Variants in COL24A1 observed in about 807,000 individuals in gnomAD.
COL24A1 encodes the protein collagen alpha-1(XXIV) chain.
In COL24A1, 224 loss-of-function variants were observed where a neutral mutation model predicts 253.9. That is an observed-to-expected ratio of 0.88 (90% confidence interval 0.79 to 0.99). COL24A1 has a LOEUF of 0.99. Among genes scored for constraint, COL24A1 ranks in the 50% least tolerant of loss-of-function variants. COL24A1 has a pLI of 0.00. For synonymous variants in COL24A1, 685 were observed against 673.7 expected (o/e 1.02, Z -0.26); for missense variants, 2,131 against 2,068.5 (o/e 1.03, Z -0.59).
chr1:86,106,027 C>T (rs1704948832), intron 5 of COL24A1, among the ~76,000 whole-genome samples: 1 of 152,168 alleles, frequency 6.6e-6, no homozygotes, highest in Non-Finnish European at 1.5e-5. Context: ...GCAGCTGTTC[C>T]ACCTGGCTGT....
At chr1:85,991,964 GGTTT>G (rs1224556899) in intron 19 of COL24A1, among the ~76,000 whole-genome samples, 1 of 150,664 alleles carries the variant, frequency 6.6e-6, no homozygotes, top group Non-Finnish European at 1.5e-5. Flanking sequence ...ACAATGTGCA[GGTTT>G]GTTACATATG....
At chr1:85,923,130 T>A (rs921251761) in intron 24 of COL24A1, among the ~76,000 whole-genome samples, 1 of 152,224 alleles carries the variant, frequency 6.6e-6, no homozygotes, top group Non-Finnish European at 1.5e-5. Flanking sequence ...CTATCCTAAA[T>A]ATATATGCAA....
At chr1:86,114,893 C>T (rs1395236049) in intron 4 of COL24A1, among the ~76,000 whole-genome samples, 2 of 152,126 alleles carry the variant, frequency 1.3e-5, no homozygotes, top group East Asian at 3.9e-4. Flanking sequence ...ATCTTTAATG[C>T]AGCTTTTTTC....
At chr1:86,135,959 G>T (rs1444987716) in intron 2 of COL24A1, among the ~76,000 whole-genome samples, 1 of 152,048 alleles carries the variant, frequency 6.6e-6, no homozygotes, top group East Asian at 1.9e-4. Context: ...GATGGGCTGT[G>T]ACTTCCAAGT....
At chr1:86,066,404 AT>A (rs1009402545) in intron 7 of COL24A1, among the ~76,000 whole-genome samples, 26 of 146,008 alleles carry the variant, frequency 1.8e-4, no homozygotes, top group South Asian at 6.6e-4. Flanking sequence ...ATGCCCGGCT[AT>A]TTTTTTTTTC....
intron 2 of COL24A1, among the ~76,000 whole-genome samples, chr1:86,132,662 G>A (rs1290888420): frequency 6.6e-6 from 1 of 152,180 alleles, no homozygotes; most frequent in East Asian, 1.9e-4. Context: ...ATTTGTTAAA[G>A]ATCAGACAGT....
At chr1:85,781,463 T>C (rs920127115) in intron 51 of COL24A1, among the ~76,000 whole-genome samples, 190 bp from the exon 52 acceptor site, 4 of 152,148 alleles carry the variant, frequency 2.6e-5, no homozygotes, top group African/African-American at 7.2e-5. Flanking sequence ...TGCATATTAT[T>C]AAAGTCTCTT....
intron 5 of COL24A1, among the ~76,000 whole-genome samples, chr1:86,109,851 A>G (rs995469771): frequency 6.6e-6 from 1 of 152,338 alleles, no homozygotes; most frequent in Admixed American, 6.5e-5. Context: ...TGTAATGATA[A>G]GTGGGGCTCG....
intron 51 of COL24A1, among the ~76,000 whole-genome samples, chr1:85,781,700 T>C (rs1669169214): frequency 6.6e-6 from 1 of 152,078 alleles, no homozygotes; most frequent in African/African-American, 2.4e-5. Context: ...AGAGAAAAAG[T>C]ACAGTAAGGA....
intron 47 of COL24A1, among the ~76,000 whole-genome samples, chr1:85,801,048 G>T (rs1671375718): frequency 6.6e-6 from 1 of 152,158 alleles, no homozygotes; most frequent in Admixed American, 6.5e-5. Context: ...GAGATTATTA[G>T]ATATGTTGAT....
chr1:85,885,359 G>A (rs1682353300), intron 32 of COL24A1, among the ~76,000 whole-genome samples: 1 of 145,996 alleles, frequency 6.8e-6, no homozygotes, highest in South Asian at 2.2e-4. Context: ...CACCACCATG[G>A]CTGGCTAATT....
chr1:85,855,005 G>A (rs1678265502), intron 37 of COL24A1, among the ~76,000 whole-genome samples: 2 of 152,006 alleles, frequency 1.3e-5, no homozygotes, highest in African/African-American at 4.8e-5. Flanking sequence ...TATTATGAGT[G>A]GCATTAAACT....
intron 47 of COL24A1, 43 bp downstream of exon 47, chr1:85,816,745 A>G: frequency 6.7e-7 from 1 of 1,497,994 alleles, no homozygotes; most frequent in South Asian, 1.1e-5. Flanking sequence ...AAGGAGACAC[A>G]TGCATAGGAA....
intron 24 of COL24A1, among the ~76,000 whole-genome samples, chr1:85,953,127 A>G (rs999565964): frequency 1.3e-5 from 2 of 152,124 alleles, no homozygotes; most frequent in Non-Finnish European, 2.9e-5. Flanking sequence ...ACCCTTTGCT[A>G]TTTTTACTGA....
At chr1:85,999,531 G>A (rs1231658234) in intron 19 of COL24A1, among the ~76,000 whole-genome samples, 1 of 152,056 alleles carries the variant, frequency 6.6e-6, no homozygotes, top group Non-Finnish European at 1.5e-5. Context: ...GTTGAGGTGG[G>A]AGGACTGCTT....
At chr1:85,985,521 A>G (rs547154027) in intron 20 of COL24A1, among the ~76,000 whole-genome samples, 1 of 151,976 alleles carries the variant, frequency 6.6e-6, no homozygotes, top group African/African-American at 2.4e-5. Flanking sequence ...GATGAGATCT[A>G]TACTTTAAAA....
chr1:85,979,661 A>T (rs1693045748), intron 20 of COL24A1, among the ~76,000 whole-genome samples: 1 of 151,416 alleles, frequency 6.6e-6, no homozygotes, highest in Non-Finnish European at 1.5e-5. Flanking sequence ...GAACAGATTA[A>T]TAACAAACAG....
intron 5 of COL24A1, among the ~76,000 whole-genome samples, chr1:86,097,171 T>C (rs943536434): frequency 2.0e-5 from 3 of 152,208 alleles, no homozygotes; most frequent in Admixed American, 2.0e-4. Context: ...TGAGCCTACA[T>C]GTCTCCTTTC....
intron 19 of COL24A1, among the ~76,000 whole-genome samples, chr1:85,989,181 G>A (rs1694000929): frequency 1.3e-5 from 2 of 151,920 alleles, no homozygotes; most frequent in Admixed American, 1.3e-4. Flanking sequence ...TGTAACACTA[G>A]CTAGTCTAAA....
Sources: allele counts gnomAD v4.1 joint callset (sites outside exome capture counted in the v4.1 genomes callset), GRCh38; gene constraint gnomAD v4.1.1; transcripts MANE v1.5; gene names NCBI Gene and HGNC (gene_info 2026-07-23, HGNC 2026-07-21).